The following GRID2 variants were observed in gnomAD, a reference collection of about 807,000 sequenced individuals.
The protein encoded by GRID2 is glutamate ionotropic receptor delta type subunit 2.
A neutral mutation model predicts 114.8 loss-of-function variants in GRID2; 33 were observed. The observed-to-expected ratio is 0.29, with a 90% CI of 0.22 to 0.38. The LOEUF is 0.38. Among genes scored for constraint, GRID2 ranks in the 10% least tolerant of loss-of-function variants. GRID2 has a pLI of 1.00. For synonymous variants in GRID2, 505 were observed against 449.9 expected, an observed-to-expected ratio of 1.12 and a Z score of -1.55; for missense variants, 1,184 against 1,257.7, an observed-to-expected ratio of 0.94 and a Z score of 0.89.
At chr4:93,053,346 T>G (rs1404143285) in intron 2 of GRID2, among the ~76,000 whole-genome samples, 1 of 151,918 alleles carries the variant, frequency 6.6e-6, no homozygotes, top group Non-Finnish European at 1.5e-5. Flanking sequence ...TGTTGCATTT[T>G]TTGAAGTCTT....
intron 1 of GRID2, among the ~76,000 whole-genome samples, chr4:92,574,397 T>C (rs1727782292): frequency 1.3e-5 from 2 of 150,116 alleles, no homozygotes; most frequent in Admixed American, 1.3e-4. Context: ...ATAGTGTTAC[T>C]GGTCTGTACT....
intron 2 of GRID2, among the ~76,000 whole-genome samples, chr4:92,965,559 T>C (rs911284455): frequency 4.0e-5 from 6 of 149,496 alleles, no homozygotes; most frequent in African/African-American, 1.5e-4. Context: ...TCTGCTCCTG[T>C]CTCCAAAATT....
intron 9 of GRID2, among the ~76,000 whole-genome samples, chr4:93,421,622 A>G (rs1768294399): frequency 6.6e-6 from 1 of 152,154 alleles, no homozygotes; most frequent in South Asian, 2.1e-4. Context: ...ATTGTTTTTT[A>G]TCATTTTGAA....
chr4:92,384,468 ATATATATATATT>A (rs1224027450), intron 1 of GRID2, among the ~76,000 whole-genome samples: 20 of 51,576 alleles, frequency 3.9e-4, no homozygotes, highest in African/African-American at 1.8e-3. Context: ...ATATATATAT[ATATATATATATT>A]ATTTATATAT....
intron 14 of GRID2, among the ~76,000 whole-genome samples, chr4:93,687,312 G>A (rs1310649185): frequency 1.3e-5 from 2 of 151,948 alleles, no homozygotes; most frequent in Non-Finnish European, 2.9e-5. Flanking sequence ...TCAGTTTGGG[G>A]CATATTAAGT....
At chr4:93,160,828 A>G (rs1002794845) in intron 4 of GRID2, among the ~76,000 whole-genome samples, 9 of 151,882 alleles carry the variant, frequency 5.9e-5, no homozygotes, top group Non-Finnish European at 1.0e-4. Context: ...CTAGAAATGC[A>G]TATTCTTAGG....
chr4:92,373,236 G>T (rs1319614672), intron 1 of GRID2, among the ~76,000 whole-genome samples: 1 of 152,178 alleles, frequency 6.6e-6, no homozygotes, highest in Non-Finnish European at 1.5e-5. Flanking sequence ...GCACTCATTG[G>T]TGATAGCCAA....
chr4:92,658,807 A>ATTG (rs1732376444), intron 2 of GRID2, among the ~76,000 whole-genome samples: 2 of 131,734 alleles, frequency 1.5e-5, no homozygotes, highest in Non-Finnish European at 3.4e-5. Context: ...ATATATATAT[A>ATTG]TATATATATA....
intron 1 of GRID2, among the ~76,000 whole-genome samples, chr4:92,306,147 C>T (rs994533492): frequency 3.3e-5 from 5 of 152,228 alleles, no homozygotes; most frequent in South Asian, 4.1e-4. Flanking sequence ...CCAGCCCCTC[C>T]GCTCCAGGGG....
At chr4:93,420,899 G>A (rs572897050) in intron 9 of GRID2, among the ~76,000 whole-genome samples, 7 of 152,072 alleles carry the variant, frequency 4.6e-5, no homozygotes, top group African/African-American at 1.2e-4. Flanking sequence ...GACTACAGGC[G>A]CCTGCCACCA....
At chr4:92,839,516 G>C (rs1388140487) in intron 2 of GRID2, among the ~76,000 whole-genome samples, 1 of 144,250 alleles carries the variant, frequency 6.9e-6, no homozygotes, top group Non-Finnish European at 1.5e-5. Flanking sequence ...AAATTAAAAA[G>C]TTTTCTTTAA....
intron 2 of GRID2, among the ~76,000 whole-genome samples, chr4:92,765,983 A>G (rs1738245136): frequency 1.3e-5 from 2 of 152,146 alleles, no homozygotes; most frequent in Admixed American, 6.5e-5. Flanking sequence ...TGACCTAGAA[A>G]TAGACTGACT....
At chr4:92,369,248 T>G (rs1437263588) in intron 1 of GRID2, among the ~76,000 whole-genome samples, 1 of 152,140 alleles carries the variant, frequency 6.6e-6, no homozygotes, top group African/African-American at 2.4e-5. Flanking sequence ...AAGAAAGAAT[T>G]TCCCCTCATA....
At chr4:93,288,929 A>G (rs555082128) in intron 8 of GRID2, among the ~76,000 whole-genome samples, 1 of 152,268 alleles carries the variant, frequency 6.6e-6, no homozygotes, top group East Asian at 1.9e-4. Flanking sequence ...CTTTGACTGA[A>G]TCTTTCTCAG....
intron 1 of GRID2, among the ~76,000 whole-genome samples, chr4:92,417,891 G>T (rs999788078): frequency 1.3e-5 from 2 of 152,056 alleles, no homozygotes; most frequent in African/African-American, 4.8e-5. Flanking sequence ...TTATAAATGG[G>T]ATTTCCCCTG....
chr4:92,669,287 T>C (rs1463528705), intron 2 of GRID2, among the ~76,000 whole-genome samples: 1 of 151,894 alleles, frequency 6.6e-6, no homozygotes, highest in East Asian at 1.9e-4. Context: ...TGCCTTATAA[T>C]ACTCACTGCC....
intron 1 of GRID2, among the ~76,000 whole-genome samples, chr4:92,364,735 A>C (rs1464224136): frequency 6.6e-6 from 1 of 151,936 alleles, no homozygotes; most frequent in Non-Finnish European, 1.5e-5. Flanking sequence ...ACAAAGGGAA[A>C]ATATTTACTT....
chr4:93,607,868 T>C (rs1034761315), intron 13 of GRID2, among the ~76,000 whole-genome samples: 1 of 152,050 alleles, frequency 6.6e-6, no homozygotes, highest in African/African-American at 2.4e-5. Context: ...CACACGCTAT[T>C]CTTTTCTAGT....
intron 10 of GRID2, among the ~76,000 whole-genome samples, chr4:93,443,464 G>A (rs1391587758): frequency 6.6e-6 from 1 of 151,928 alleles, no homozygotes; most frequent in African/African-American, 2.4e-5. Flanking sequence ...TAATTAGAAG[G>A]AAGAGATTAT....
Sources: gnomAD v4.1 joint callset for allele counts (sites outside exome capture counted in the v4.1 genomes callset) on GRCh38, gnomAD v4.1.1 for gene constraint, MANE v1.5 for transcripts, NCBI Gene and HGNC (gene_info 2026-07-23, HGNC 2026-07-21) for gene names.